The following RXFP1 variants were observed in gnomAD, a reference collection of about 807,000 sequenced individuals.
RXFP1 encodes relaxin receptor 1.
In RXFP1, 73 loss-of-function variants were observed where a neutral mutation model predicts 89.8. The observed-to-expected ratio is 0.81, with a 90% CI of 0.67 to 0.99. The LOEUF (loss-of-function observed/expected upper bound fraction) is 0.99, where lower values mean the gene tolerates loss of function less well. Ranked by LOEUF, RXFP1 falls within the 50% of genes least tolerant of loss-of-function variation. The probability of loss-of-function intolerance (pLI) is 0.00; values close to 1 mark genes in which losing one functional copy is unlikely to be tolerated. For missense variants in RXFP1, 793 were observed against 895.5 expected (o/e 0.89, Z 1.46); for synonymous variants, 277 against 305.5 (o/e 0.91, Z 0.97).
chr4:158,632,716 C>T (rs2150208657), intron 11 of RXFP1, among the ~76,000 whole-genome samples: 1 of 152,130 alleles, frequency 6.6e-6, no homozygotes, highest in East Asian at 1.9e-4. Context: ...GGAAGAAACT[C>T]GAACTTGAAA....
At position 158,605,072 on chromosome 4, in the gene RXFP1, C is replaced by A. The variant is rs745486653; in HGVS notation, c.397C>A (p.Leu133Ile). The A allele has an allele frequency of 1.3e-6, 2 of 1,562,630 alleles. No individual in the cohort carries two copies. The highest frequency in any genetic ancestry group is 3.4e-5 in the Admixed American group (2 of 58,640). Residue 133 changes from leucine (L) to isoleucine (I), a missense_variant, in exon 5 of 18, where the codon CTT becomes ATT. Coordinates refer to ENST00000307765, the MANE Select transcript of RXFP1 (RefSeq NM_021634.4). The stretch of plus-strand genomic sequence containing the variant: ...CAAAATTTACATTTATTTCAGGTCA[C>A]TTCAGTGGAACTTAATAAGAAAGCT... ...SVSSNVTAMS[L>I]QWNLIRKLPP...
At chr4:158,590,316 C>A (rs1264281716) in intron 2 of RXFP1, among the ~76,000 whole-genome samples, 8 of 152,132 alleles carry the variant, frequency 5.3e-5, no homozygotes, top group Non-Finnish European at 2.9e-5. Context: ...AGGCATGTAT[C>A]ACCATGGCTG....
intron 1 of RXFP1, among the ~76,000 whole-genome samples, chr4:158,566,619 C>T (rs1753610804): frequency 6.6e-6 from 1 of 152,236 alleles, no homozygotes; most frequent in African/African-American, 2.4e-5. Context: ...CCACCTCAAC[C>T]TCCCAAAGTG....
chr4:158,612,923 T>C (rs1283914793), intron 8 of RXFP1, among the ~76,000 whole-genome samples: 2 of 152,212 alleles, frequency 1.3e-5, no homozygotes, highest in African/African-American at 4.8e-5. Context: ...CACAATATTC[T>C]TAAGCACATC....
intron 1 of RXFP1, among the ~76,000 whole-genome samples, chr4:158,549,836 C>T (rs545209415): frequency 1.2e-4 from 19 of 152,320 alleles, no homozygotes; most frequent in South Asian, 1.0e-3. Flanking sequence ...AGTACCCGGC[C>T]GTGTGAGGTG....
chr4:158,605,056 C>G lies in RXFP1; in HGVS notation c.393-12C>G, dbSNP rs913428924. On this transcript the variant is annotated splice_polypyrimidine_tract_variant and intron_variant, in intron 4 of 17. Coordinates refer to ENST00000307765, the MANE Select transcript of RXFP1 (RefSeq NM_021634.4). ...AAACAACTTTAAGAATCAAAATTTA[C>G]ATTTATTTCAGGTCACTTCAGTGGA... 2 of 1,482,700 alleles carry G rather than the reference C, an allele frequency of 1.3e-6. No homozygotes were observed. The highest frequency in any genetic ancestry group is 1.9e-6 in the Non-Finnish European group (2 of 1,081,020). The allele number at this position is 1,482,700 out of a possible 1,614,324, so 91.8% of individuals were successfully genotyped here. A position where few individuals can be genotyped will look rare whatever the true frequency, so the allele number is the denominator to read the frequency against.
At chr4:158,644,537 A>G (rs1371357768) in intron 14 of RXFP1, among the ~76,000 whole-genome samples, 2 of 152,240 alleles carry the variant, frequency 1.3e-5, no homozygotes, top group African/African-American at 4.8e-5. Context: ...GATAGAAAGC[A>G]GTCACTTGCA....
chr4:158,605,161 G>C (rs916963469), intron 5 of RXFP1, 22 bp downstream of exon 5: 1 of 1,465,572 alleles, frequency 6.8e-7, no homozygotes, highest in South Asian at 1.2e-5. Flanking sequence ...CTTAATTCCT[G>C]GTATTACAAT....
At chr4:158,590,859 A>T (rs533058573) in intron 2 of RXFP1, among the ~76,000 whole-genome samples, 1 of 152,316 alleles carries the variant, frequency 6.6e-6, no homozygotes, top group South Asian at 2.1e-4. Context: ...TACAGGAAAA[A>T]TGTGTTTGTA....
intron 1 of RXFP1, among the ~76,000 whole-genome samples, chr4:158,522,847 A>T (rs1357620465): frequency 1.3e-5 from 2 of 152,210 alleles, no homozygotes; most frequent in Admixed American, 6.5e-5. Context: ...TTAGAAATTA[A>T]CAAGCCTTTT....
chr4:158,603,777 C>A (rs1762105705), intron 4 of RXFP1, among the ~76,000 whole-genome samples: 1 of 151,728 alleles, frequency 6.6e-6, no homozygotes, highest in African/African-American at 2.4e-5. Flanking sequence ...GTAATCCCAG[C>A]TACTCAGGAG....
In RXFP1 at chr4:158,645,096, T is replaced by A; in HGVS notation, c.1303T>A (p.Ser435Thr). ...CATTTGCATGCGACCTTATATCAGG[T>A]CTGAGAACAAGCTGTATGCCATGTC... ...FVICMRPYIR[S>T]ENKLYAMSII... is the part of the protein sequence containing the mutation. Residue 435 changes from serine to threonine, a missense_variant, in exon 15 of 18, where the codon TCT (serine) becomes ACT (threonine). Physicochemically the swap from Ser to Thr is moderately conservative, Grantham distance 58. Transcript: ENST00000307765. 4 of 1,614,138 alleles carry A rather than the reference T, an allele frequency of 2.5e-6. No homozygotes were observed. The highest frequency in any genetic ancestry group is 3.4e-6 in the Non-Finnish European group (4 of 1,179,982).
chr4:158,643,469 T>TG (rs139805305), intron 14 of RXFP1, among the ~76,000 whole-genome samples: 1 of 2,738 alleles, frequency 3.7e-4, no homozygotes, highest in African/African-American at 4.3e-4. Flanking sequence ...CATATGCTAG[T>TG]TTTTTTTTTT....
chr4:158,538,728 C>T (rs1022154301), intron 1 of RXFP1, among the ~76,000 whole-genome samples: 2 of 149,040 alleles, frequency 1.3e-5, no homozygotes, highest in South Asian at 2.1e-4. Flanking sequence ...CACTTGAACT[C>T]GGGAGGCGGA....
rs368827947 is a variant in RXFP1, at chr4:158,611,016, A to G, written c.537-1114A>G. 2.3e-4 allele frequency among the ~76,000 whole-genome samples: 35 copies of G among 152,336 alleles called. No homozygotes were observed. In the East Asian group the frequency reaches 6.2e-3, roughly 27 times the overall value. ...AACTTGAACTCTTACTTGCATATGAATCATAAGCAGAAAGAAAAAGGAAAG... is the reference window on the plus strand; with the variant it reads ...AACTTGAACTCTTACTTGCATATGAGTCATAAGCAGAAAGAAAAAGGAAAG... On this transcript the variant is annotated intron_variant, in intron 6 of 17. Coordinates refer to ENST00000307765, the MANE Select transcript of RXFP1 (RefSeq NM_021634.4).
Position 158,542,109 on chromosome 4 carries a change from A to ATATATATATTTTTTTT in RXFP1, c.49+20085_49+20086insATATATATTTTTTTTT. 1.7e-4 allele frequency among the ~76,000 whole-genome samples: 6 copies of ATATATATATTTTTTTT among 35,236 alleles called. 1 individual carries two copies. Among genetic ancestry groups the ATATATATATTTTTTTT allele is most frequent in the East Asian group, 1.2e-3 (1 of 812 alleles). The allele number at this position is 35,236 out of a possible 152,430, so 23.1% of individuals were successfully genotyped here. On this transcript the variant is annotated intron_variant, in intron 1 of 17. Coordinates refer to ENST00000307765, the MANE Select transcript of RXFP1 (RefSeq NM_021634.4). ...TATATATATATATATATATATATATATTTTTTTTTTAGTAGAGACAGGGTT... is the reference window on the plus strand; with the variant it reads ...TATATATATATATATATATATATATATATATATATTTTTTTTTTTTTTTTTTAGTAGAGACAGGGTT...
chr4:158,629,260 A>C (rs1316691853), intron 11 of RXFP1, among the ~76,000 whole-genome samples: 1 of 152,092 alleles, frequency 6.6e-6, no homozygotes, highest in Non-Finnish European at 1.5e-5. Context: ...CATGCTGGCC[A>C]GGCTAGTAAA....
At chr4:158,616,514 C>A (rs893480461) in intron 8 of RXFP1, among the ~76,000 whole-genome samples, 6 of 148,606 alleles carry the variant, frequency 4.0e-5, no homozygotes, top group South Asian at 2.1e-4. Context: ...GCCTTTAAAT[C>A]ATCTCCTTTC....
At chr4:158,598,300 T>C (rs768529832) in intron 3 of RXFP1, among the ~76,000 whole-genome samples, 74 of 152,212 alleles carry the variant, frequency 4.9e-4, no homozygotes, top group Non-Finnish European at 9.0e-4. Context: ...TTGAGGAAGT[T>C]GGTAGATGTA....
Sources: gnomAD v4.1 joint callset for allele counts (sites outside exome capture counted in the v4.1 genomes callset) on GRCh38, gnomAD v4.1.1 for gene constraint, MANE v1.5 for transcripts, NCBI Gene and HGNC (gene_info 2026-07-23, HGNC 2026-07-21) for gene names.